The following PDZD2 variants were observed in gnomAD, a reference collection of about 807,000 sequenced individuals.
PDZD2 encodes the protein PDZ domain containing 2.
PDZD2 carries 90 observed loss-of-function variants against 220.7 expected under a neutral mutation model. The observed-to-expected ratio is 0.41, with a 90% CI of 0.34 to 0.49. The LOEUF (loss-of-function observed/expected upper bound fraction) is 0.49, where lower values mean the gene tolerates loss of function less well. Among genes scored for constraint, PDZD2 ranks in the 20% least tolerant of loss-of-function variants. PDZD2 has a pLI of 0.28. For missense variants in PDZD2, 3,174 were observed against 3,608.5 expected, an observed-to-expected ratio of 0.88 and a Z score of 3.08; for synonymous variants, 1,375 against 1,450.5, an observed-to-expected ratio of 0.95 and a Z score of 1.18.
intron 2 of PDZD2, among the ~76,000 whole-genome samples, chr5:31,814,024 A>G (rs1419881690): frequency 6.6e-6 from 1 of 152,206 alleles, no homozygotes; most frequent in African/African-American, 2.4e-5. Flanking sequence ...AACTTTTTTA[A>G]ATAAAAAAGA....
chr5:32,016,080 G>C (rs1753761084), intron 6 of PDZD2, among the ~76,000 whole-genome samples: 1 of 152,216 alleles, frequency 6.6e-6, no homozygotes, highest in Non-Finnish European at 1.5e-5. Context: ...TACAAGGAAA[G>C]AAGAGCAAAG....
rs1742826962 is a variant in PDZD2 at position 32,089,200 on chromosome 5, A to T, written c.5752A>T (p.Ile1918Phe). Reference sequence around the variant, plus strand: ...GGGGACGGACCACAGGAAACCCTTGATCTCACCCCAGACCTCCCACAAAAC... The same window carrying T: ...GGGGACGGACCACAGGAAACCCTTGTTCTCACCCCAGACCTCCCACAAAAC... ...AGGTDHRKPL[I>F]SPQTSHKTLS... The change falls in exon 20 of 25, where the codon ATC becomes TTC. Residue 1918 changes from isoleucine (I) to phenylalanine (F), a missense_variant. Around this residue, in one of 4 missense-constraint regions of PDZD2, gnomAD observed 1,861 missense variants for 2,001.0 expected, o/e 0.93. Coordinates refer to ENST00000438447, the MANE Select transcript of PDZD2 (RefSeq NM_178140.4). 1 of 1,614,138 alleles carries T rather than the reference A, an allele frequency of 6.2e-7. No homozygotes were observed. Among genetic ancestry groups the T allele is most frequent in the Non-Finnish European group, 8.5e-7 (1 of 1,180,014 alleles).
chr5:31,784,558 A>C (rs1753262121), intron 1 of PDZD2, among the ~76,000 whole-genome samples: 1 of 152,138 alleles, frequency 6.6e-6, no homozygotes, highest in South Asian at 2.1e-4. Flanking sequence ...AGTGGGTATG[A>C]ATAGAAGGGG....
At chr5:31,653,102 G>A (rs564633557) in intron 1 of PDZD2, among the ~76,000 whole-genome samples, 133 of 152,214 alleles carry the variant, frequency 8.7e-4, no homozygotes, top group African/African-American at 3.0e-3. Flanking sequence ...GGGATCTCCC[G>A]TGGCATATTT....
intron 1 of PDZD2, among the ~76,000 whole-genome samples, chr5:31,731,909 T>G (rs1364939476): frequency 6.6e-6 from 1 of 152,250 alleles, no homozygotes; most frequent in Non-Finnish European, 1.5e-5. Flanking sequence ...GTGTTTACCT[T>G]TTTGAGGGCT....
chr5:31,816,094 C>T (rs1755430917), intron 2 of PDZD2, among the ~76,000 whole-genome samples: 1 of 152,000 alleles, frequency 6.6e-6, no homozygotes, highest in African/African-American at 2.4e-5. Context: ...CAAGACCATC[C>T]TGGCTAACAC....
intron 7 of PDZD2, among the ~76,000 whole-genome samples, chr5:32,044,485 G>C (rs1047928995): frequency 2.0e-5 from 3 of 152,192 alleles, no homozygotes; most frequent in African/African-American, 7.2e-5. Flanking sequence ...GAGGCAGTAT[G>C]CTGGGGGAAT....
intron 2 of PDZD2, among the ~76,000 whole-genome samples, chr5:31,921,074 T>A (rs1561082508): frequency 6.6e-6 from 1 of 152,238 alleles, no homozygotes; most frequent in Non-Finnish European, 1.5e-5. Flanking sequence ...GCTGTAAACA[T>A]CTGTGTGCTC....
At chr5:31,939,457 C>T (rs768883970) in intron 2 of PDZD2, among the ~76,000 whole-genome samples, 3 of 152,090 alleles carry the variant, frequency 2.0e-5, no homozygotes, top group Non-Finnish European at 4.4e-5. Flanking sequence ...TGCTGTGTGG[C>T]CAGATGCAGT....
intron 19 of PDZD2, among the ~76,000 whole-genome samples, chr5:32,084,206 G>T (rs1742234119): frequency 6.6e-6 from 1 of 152,210 alleles, no homozygotes; most frequent in African/African-American, 2.4e-5. Context: ...AGCTAGTACG[G>T]TCTCCATGGG....
intron 1 of PDZD2, among the ~76,000 whole-genome samples, chr5:31,651,485 G>A (rs1745346527): frequency 6.6e-6 from 1 of 152,136 alleles, no homozygotes; most frequent in Admixed American, 6.5e-5. Flanking sequence ...GTGGAGCCTG[G>A]GAAGAATTGT....
chr5:31,753,977 G>A (rs377180351), intron 1 of PDZD2, among the ~76,000 whole-genome samples: 2 of 152,194 alleles, frequency 1.3e-5, no homozygotes, highest in African/African-American at 4.8e-5. Flanking sequence ...GAACCCCAGG[G>A]TTACTATCAT....
chr5:32,058,533 G>T (rs1024625948), intron 12 of PDZD2, among the ~76,000 whole-genome samples: 1 of 151,750 alleles, frequency 6.6e-6, no homozygotes, highest in African/African-American at 2.4e-5. Flanking sequence ...AATTAGCTGG[G>T]CGTGGTGGCA....
chr5:31,787,789 C>G (rs1271679532), intron 1 of PDZD2: 2 of 152,164 alleles, frequency 1.3e-5, no homozygotes, highest in African/African-American at 4.8e-5. Flanking sequence ...CCTCTCTCAT[C>G]CCCTAAAACC....
chr5:32,088,659 C>A lies in PDZD2; in HGVS notation c.5211C>A (p.Asp1737Glu), dbSNP rs1742769565. The A allele has an allele frequency of 1.9e-6, 3 of 1,613,820 alleles. No homozygotes were observed. In the African/African-American group the frequency reaches 4.0e-5, roughly 22 times the overall value. Residue 1737 changes from aspartate (D) to glutamate (E), a missense_variant, in exon 20 of 25, where the codon GAC (aspartate) becomes GAA (glutamate). This residue lies in a region of PDZD2 where 1,861 missense variants were observed against 2,001.0 expected (regional missense o/e 0.93). Transcript: ENST00000438447. The surrounding 1 kb of genome is among the most constrained non-coding windows in gnomAD (Gnocchi z 4.6). ...SPNMVNGLEH[D>E]LLDDETLNQY... Reference sequence around the variant, plus strand: ...ACATGGTAAATGGCTTGGAACATGACCTGCTAGATGACGAAACCCTGAATC... The same window carrying A: ...ACATGGTAAATGGCTTGGAACATGAACTGCTAGATGACGAAACCCTGAATC...
At chr5:32,093,106 AG>A (rs1281010874) in intron 21 of PDZD2, 82 bp downstream of exon 21, 1 of 746,018 alleles carries the variant, frequency 1.3e-6, no homozygotes, top group Non-Finnish European at 2.4e-6. Context: ...CAGACAGCCG[AG>A]GAGAGCCCGC....
At position 32,102,229 on chromosome 5, in the gene PDZD2, G is replaced by T. The variant is rs151122275; in HGVS notation, c.8353+990G>T. On this transcript the variant is annotated intron_variant, in intron 24 of 24. Transcript: ENST00000438447. ...TGCATCCTTGGGGCCCAGAGGAAGCGGAGGATGACAGAGAAATGTGCACTG... is the reference window on the plus strand; with the variant it reads ...TGCATCCTTGGGGCCCAGAGGAAGCTGAGGATGACAGAGAAATGTGCACTG... 7.9e-3 allele frequency among the ~76,000 whole-genome samples: 1,200 copies of T among 152,196 alleles called. 27 individuals are homozygous for T. The highest frequency in any genetic ancestry group is 0.028 in the African/African-American group (1,153 of 41,506).
rs754925425 is a variant in PDZD2, at chr5:31,799,338, G to T, written c.90G>T (p.Pro30=). ...GCCTGCAGGAAGGTGGGGATGGGCC[G>T]GAGCAGCGGCTCTGCCAGGCGGCCA... ...QNSLQEGGDG[P]EQRLCQAAIQ... The change falls in exon 2 of 25, where the codon CCG becomes CCT. Residue 30 remains proline (P), a synonymous_variant. Coordinates refer to ENST00000438447, the MANE Select transcript of PDZD2 (RefSeq NM_178140.4). 1 of 1,614,178 alleles carries T rather than the reference G, an allele frequency of 6.2e-7. No homozygotes were observed.
At chr5:31,913,108 C>T (rs987485584) in intron 2 of PDZD2, among the ~76,000 whole-genome samples, 6 of 152,132 alleles carry the variant, frequency 3.9e-5, no homozygotes, top group Non-Finnish European at 7.3e-5. Flanking sequence ...GTGGCTCATG[C>T]TTGTAATCCC....
Sources: gnomAD v4.1 joint callset for allele counts (sites outside exome capture counted in the v4.1 genomes callset) on GRCh38, gnomAD v4.1.1 for gene constraint, gnomAD v4.1.1 regional missense constraint, Gnocchi (gnomAD v3.1) non-coding constraint, MANE v1.5 for transcripts, NCBI Gene and HGNC (gene_info 2026-07-23, HGNC 2026-07-21) for gene names.